The following APOE variants were observed in gnomAD, a reference collection of about 807,000 sequenced individuals.
APOE encodes the protein apolipoprotein E, also known as apolipoprotein E3.
In APOE, 10 loss-of-function variants were observed where a neutral mutation model predicts 13.1. The ratio of observed to expected loss-of-function variants is 0.76; its 90% CI spans 0.47 to 1.29. The LOEUF is 1.29. APOE is among the 50% of genes most tolerant of loss of function. The pLI is 0.00. For synonymous variants in APOE, 211 were observed against 207.1 expected (o/e 1.02, Z -0.16); for missense variants, 471 against 459.6 (o/e 1.02, Z -0.23).
Position 44,908,577 on chromosome 19 carries a change from CGG to C in APOE, c.282_283del (p.Glu95ThrfsTer69). 6.2e-7 allele frequency: 1 copy of C among 1,613,660 alleles called. No individual in the cohort carries two copies. Among genetic ancestry groups the C allele is most frequent in the Non-Finnish European group, 8.5e-7 (1 of 1,179,666 alleles). ...ATGAAGGAGTTGAAGGCCTACAAAT[CGG>C]AACTGGAGGAACAACTGACCCCGGT... On this transcript the variant is annotated frameshift_variant, in exon 4 of 4. Coordinates refer to ENST00000252486, the MANE Select transcript of APOE (RefSeq NM_000041.4). LOFTEE classifies it low-confidence loss of function (END_TRUNC).
Position 44,909,037 on chromosome 19 carries a change from G to A in APOE, c.741G>A (p.Leu247=). The A allele has an allele frequency of 6.5e-7, 1 of 1,549,574 alleles. No individual in the cohort carries two copies. The highest frequency in any genetic ancestry group is 8.7e-7 in the Non-Finnish European group (1 of 1,153,010). Residue 247 remains leucine (L), a synonymous_variant, in exon 4 of 4, where the codon CTG becomes CTA. Transcript: ENST00000252486. The part of the protein sequence containing the change: ...EEMGSRTRDR[L]DEVKEQVAEV... ...TGGGCAGCCGGACCCGCGACCGCCTGGACGAGGTGAAGGAGCAGGTGGCGG... is the reference window on the plus strand; with the variant it reads ...TGGGCAGCCGGACCCGCGACCGCCTAGACGAGGTGAAGGAGCAGGTGGCGG...
chr19:44,908,475 TC>T, intron 3 of APOE, 57 bp from the exon 4 acceptor site: 1 of 1,326,422 alleles, frequency 7.5e-7, no homozygotes, highest in Non-Finnish European at 1.1e-6. Context: ...GCCCGCCCCA[TC>T]CCAGCCCTTC....
In APOE at chr19:44,908,948, G is replaced by A. The variant is rs1488379910; in HGVS notation, c.652G>A (p.Gly218Ser). ...VRAATVGSLAGQPLQERAQAW... is the reference protein window; with the variant it reads ...VRAATVGSLASQPLQERAQAW... ...GGCCGCCACTGTGGGCTCCCTGGCC[G>A]GCCAGCCGCTACAGGAGCGGGCCCA... is the stretch of plus-strand genomic sequence containing the variant. The change falls in exon 4 of 4, where the codon GGC (glycine) becomes AGC (serine). Residue 218 changes from glycine to serine, a missense_variant. Transcript: ENST00000252486. 1.3e-5 allele frequency: 20 copies of A among 1,514,488 alleles called. No homozygotes were observed. Among genetic ancestry groups the A allele is most frequent in the Non-Finnish European group, 1.5e-5 (17 of 1,137,118 alleles). The allele number at this position is 1,514,488 out of a possible 1,614,324, so 93.8% of individuals were successfully genotyped here.
Position 44,908,895 on chromosome 19 carries a change from G to A in APOE, c.599G>A (p.Gly200Glu). 6.8e-7 allele frequency: 1 copy of A among 1,477,650 alleles called. No homozygotes were observed. The highest frequency in any genetic ancestry group is 8.9e-7 in the Non-Finnish European group (1 of 1,122,476). 91.5% of individuals were successfully genotyped at this position (1,477,650 alleles called of 1,614,324 possible). A position where few individuals can be genotyped will look rare whatever the true frequency, so the allele number is the denominator to read the frequency against. Residue 200 changes from glycine (G) to glutamate (E), a missense_variant, in exon 4 of 4, where the codon GGG becomes GAG. Gly to Glu is a moderately conservative substitution (Grantham distance 98). Coordinates refer to ENST00000252486, the MANE Select transcript of APOE (RefSeq NM_000041.4). ...CTCAGCGCCATCCGCGAGCGCCTGG[G>A]GCCCCTGGTGGAACAGGGCCGCGTG... ...RGLSAIRERL[G>E]PLVEQGRVRA... is the part of the protein sequence containing the mutation.
At position 44,908,884 on chromosome 19, in the gene APOE, C is replaced by T. The variant is rs992491839; in HGVS notation, c.588C>T (p.Arg196=). ...EGAERGLSAI[R]ERLGPLVEQG... is the part of the protein sequence containing the mutation. ...CCGAGCGCGGCCTCAGCGCCATCCG[C>T]GAGCGCCTGGGGCCCCTGGTGGAAC... Residue 196 remains arginine, a synonymous_variant, in exon 4 of 4, where the codon CGC becomes CGT. Coordinates refer to ENST00000252486, the MANE Select transcript of APOE (RefSeq NM_000041.4). 1.3e-6 allele frequency: 2 copies of T among 1,488,922 alleles called. No individual in the cohort carries two copies. Among genetic ancestry groups the T allele is most frequent in the Admixed American group, 2.3e-5 (1 of 43,460 alleles). The allele number at this position is 1,488,922 out of a possible 1,614,324, so 92.2% of individuals were successfully genotyped here. A position where few individuals can be genotyped will look rare whatever the true frequency, so the allele number is the denominator to read the frequency against.
rs1237339516 is a variant in APOE, at chr19:44,908,988, G to A, written c.692G>A (p.Arg231Gln). 7.2e-6 allele frequency: 11 copies of A among 1,532,660 alleles called. No homozygotes were observed. The highest frequency in any genetic ancestry group is 2.1e-4 in the Middle Eastern group (1 of 4,704). 94.9% of individuals were successfully genotyped at this position (1,532,660 alleles called of 1,614,324 possible). ...GAGCGGGCCCAGGCCTGGGGCGAGCGGCTGCGCGCGCGGATGGAGGAGATG... is the reference window on the plus strand; with the variant it reads ...GAGCGGGCCCAGGCCTGGGGCGAGCAGCTGCGCGCGCGGATGGAGGAGATG... ...LQERAQAWGE[R>Q]LRARMEEMGS... The change falls in exon 4 of 4, where the codon CGG becomes CAG. Residue 231 changes from arginine to glutamine, a missense_variant. Transcript: ENST00000252486.
rs754627330 is a variant in APOE, at chr19:44,908,839, G to T, written c.543G>T (p.Gln181His). 183 of 1,532,010 alleles carry T rather than the reference G, an allele frequency of 1.2e-4. No homozygotes were observed. The highest frequency in any genetic ancestry group is 1.6e-4 in the Non-Finnish European group (182 of 1,144,392). The allele number at this position is 1,532,010 out of a possible 1,614,324, so 94.9% of individuals were successfully genotyped here. ...DDLQKRLAVY[Q>H]AGAREGAERG... ...TGCAGAAGCGCCTGGCAGTGTACCA[G>T]GCCGGGGCCCGCGAGGGCGCCGAGC... is the stretch of plus-strand genomic sequence containing the variant. Residue 181 changes from glutamine (Q) to histidine (H), a missense_variant, in exon 4 of 4, where the codon CAG becomes CAT. By Grantham distance (24) the Gln-to-His change is conservative. Transcript: ENST00000252486.
In APOE at chr19:44,907,450, A is replaced by G; in HGVS notation, c.44-310A>G. 1 of 405,202 alleles carries G rather than the reference A, an allele frequency of 2.5e-6. No individual in the cohort carries two copies. 25.1% of individuals were successfully genotyped at this position (405,202 alleles called of 1,614,324 possible). A position where few individuals can be genotyped will look rare whatever the true frequency, so the allele number is the denominator to read the frequency against. ...TGTCTCTACTAAAAATACAAAAATT[A>G]GCCAGGCATGGTGCCACACACCTGT... On this transcript the variant is annotated intron_variant, in intron 2 of 3. Coordinates refer to ENST00000252486, the MANE Select transcript of APOE (RefSeq NM_000041.4). The surrounding 1 kb of genome is among the most constrained non-coding windows in gnomAD (Gnocchi z 4.1).
intron 1 of APOE, among the ~76,000 whole-genome samples, chr19:44,906,103 T>C (rs1187843706): frequency 2.6e-5 from 4 of 152,136 alleles, no homozygotes; most frequent in African/African-American, 9.6e-5. Flanking sequence ...CCACGAGTTG[T>C]CACTATCATT....
In APOE at chr19:44,905,859, G is replaced by A. The variant is rs1210953467; in HGVS notation, c.-24+18G>A. On this transcript the variant is annotated intron_variant, in intron 1 of 3. Coordinates refer to ENST00000252486, the MANE Select transcript of APOE (RefSeq NM_000041.4). ...AGGAGCCGGTGAGAAGCGCAGTCGG[G>A]GGCACGGGGATGAGCTCAGGGGCCT... is the stretch of plus-strand genomic sequence containing the variant. 1.5e-5 allele frequency: 20 copies of A among 1,294,796 alleles called. No individual in the cohort carries two copies. The highest frequency in any genetic ancestry group is 1.7e-5 in the Non-Finnish European group (17 of 985,784). 80.2% of individuals were successfully genotyped at this position (1,294,796 alleles called of 1,614,324 possible).
Position 44,908,812 on chromosome 19 carries a change from C to T in APOE, c.516C>T (p.Asp172=), listed in dbSNP as rs757859088. The T allele has an allele frequency of 2.6e-6, 4 of 1,544,474 alleles. No individual in the cohort carries two copies. Among genetic ancestry groups the T allele is most frequent in the Non-Finnish European group, 3.5e-6 (4 of 1,149,900 alleles). Residue 172 remains aspartate, a synonymous_variant, in exon 4 of 4, where the codon GAC becomes GAT. Coordinates refer to ENST00000252486, the MANE Select transcript of APOE (RefSeq NM_000041.4). ...LRKRLLRDAD[D]LQKRLAVYQA... ...AGCGGCTCCTCCGCGATGCCGATGA[C>T]CTGCAGAAGCGCCTGGCAGTGTACC...
In APOE at chr19:44,906,053, G is replaced by C. The variant is rs1311682392; in HGVS notation, c.-24+212G>C. The stretch of plus-strand genomic sequence containing the variant: ...ACCCGACCCGCTAGAAGGTGGGGTG[G>C]GGAGAGCAGCTGGACTGGGATGTAA... On this transcript the variant is annotated intron_variant, in intron 1 of 3. Transcript: ENST00000252486. 11 of 541,448 alleles carry C rather than the reference G, an allele frequency of 2.0e-5. No homozygotes were observed. The East Asian group carries it at 7.0e-4, about 34-fold the overall frequency. The allele number at this position is 541,448 out of a possible 1,614,324, so 33.5% of individuals were successfully genotyped here.
At chr19:44,908,171 G>A (rs952114165) in intron 3 of APOE, among the ~76,000 whole-genome samples, 1 of 151,914 alleles carries the variant, frequency 6.6e-6, no homozygotes, top group Non-Finnish European at 1.5e-5. Flanking sequence ...TCTCACACTC[G>A]TCCTGGCTCT....
chr19:44,909,147 A>G lies in APOE; in HGVS notation c.851A>G (p.Glu284Gly), dbSNP rs773797268. 1.1e-5 allele frequency: 17 copies of G among 1,601,474 alleles called. No individual in the cohort carries two copies. In the South Asian group the frequency reaches 1.8e-4, roughly 17 times the overall value. The change falls in exon 4 of 4, where the codon GAG (glutamate) becomes GGG (glycine). Residue 284 changes from glutamate to glycine, a missense_variant. Physicochemically the swap from Glu to Gly is moderately conservative, Grantham distance 98. Transcript: ENST00000252486. ...AFQARLKSWF[E>G]PLVEDMQRQW... ...CAGGCCCGCCTCAAGAGCTGGTTCG[A>G]GCCCCTGGTGGAAGACATGCAGCGC...
In APOE at chr19:44,908,617, G is replaced by T; in HGVS notation, c.321G>T (p.Thr107=). 1 of 1,609,578 alleles carries T rather than the reference G, an allele frequency of 6.2e-7. No homozygotes were observed. Among genetic ancestry groups the T allele is most frequent in the Non-Finnish European group, 8.5e-7 (1 of 1,177,858 alleles). Residue 107 remains threonine, a synonymous_variant, in exon 4 of 4, where the codon ACG becomes ACT. Transcript: ENST00000252486. ...AACTGACCCCGGTGGCGGAGGAGAC[G>T]CGGGCACGGCTGTCCAAGGAGCTGC... ...EEQLTPVAEE[T]RARLSKELQA...
intron 1 of APOE, 40 bp downstream of exon 1, chr19:44,905,881 G>T (rs1434244093): frequency 6.2e-6 from 8 of 1,294,712 alleles, no homozygotes; most frequent in Non-Finnish European, 8.1e-6. Context: ...GAGCTCAGGG[G>T]CCTCTAGAAA....
In APOE at chr19:44,908,957, C is replaced by T. The variant is rs1969876805; in HGVS notation, c.661C>T (p.Leu221=). ...TGTGGGCTCCCTGGCCGGCCAGCCGCTACAGGAGCGGGCCCAGGCCTGGGG... is the reference window on the plus strand; with the variant it reads ...TGTGGGCTCCCTGGCCGGCCAGCCGTTACAGGAGCGGGCCCAGGCCTGGGG... ...ATVGSLAGQP[L]QERAQAWGER... is the part of the protein sequence containing the mutation. The change falls in exon 4 of 4, where the codon CTA becomes TTA. Residue 221 remains leucine (L), a synonymous_variant. Transcript: ENST00000252486. The T allele has an allele frequency of 6.5e-7, 1 of 1,526,960 alleles. No homozygotes were observed. The highest frequency in any genetic ancestry group is 1.4e-5 in the African/African-American group (1 of 72,420). The allele number at this position is 1,526,960 out of a possible 1,614,324, so 94.6% of individuals were successfully genotyped here. A position where few individuals can be genotyped will look rare whatever the true frequency, so the allele number is the denominator to read the frequency against.
intron 1 of APOE, 64 bp from the exon 2 acceptor site, chr19:44,906,537 TG>T: frequency 3.8e-6 from 6 of 1,580,146 alleles, no homozygotes; most frequent in Non-Finnish European, 5.2e-6. Context: ...GAGGCCGGGT[TG>T]GGGCCGGGCT....
At position 44,908,875 on chromosome 19, in the gene APOE, C is replaced by G. The variant is rs748506927; in HGVS notation, c.579C>G (p.Ser193Arg). The change falls in exon 4 of 4, where the codon AGC becomes AGG. Residue 193 changes from serine (S) to arginine (R), a missense_variant. Physicochemically the swap from Ser to Arg is moderately radical, Grantham distance 110. Transcript: ENST00000252486. Reference sequence around the variant, plus strand: ...GCGAGGGCGCCGAGCGCGGCCTCAGCGCCATCCGCGAGCGCCTGGGGCCCC... The same window carrying G: ...GCGAGGGCGCCGAGCGCGGCCTCAGGGCCATCCGCGAGCGCCTGGGGCCCC... ...GAREGAERGLSAIRERLGPLV... is the reference protein window; with the variant it reads ...GAREGAERGLRAIRERLGPLV... The G allele has an allele frequency of 6.7e-7, 1 of 1,498,286 alleles. No homozygotes were observed. The highest frequency in any genetic ancestry group is 1.2e-5 in the South Asian group (1 of 80,600). The allele number at this position is 1,498,286 out of a possible 1,614,324, so 92.8% of individuals were successfully genotyped here.
Sources: gnomAD v4.1 joint callset for allele counts (sites outside exome capture counted in the v4.1 genomes callset) on GRCh38, gnomAD v4.1.1 for gene constraint, Gnocchi (gnomAD v3.1) non-coding constraint, MANE v1.5 for transcripts, NCBI Gene and HGNC (gene_info 2026-07-23, HGNC 2026-07-21) for gene names.